ADAMTSL1: variants seen among roughly 807,000 people sequenced by gnomAD.
The protein encoded by ADAMTSL1 is ADAMTS-like protein 1.
ADAMTSL1 carries 126 observed loss-of-function variants against 201.8 expected under a neutral mutation model. The ratio of observed to expected loss-of-function variants is 0.62; its 90% CI spans 0.54 to 0.72. The LOEUF is 0.72. ADAMTSL1 is among the 30% of genes least tolerant of loss of function. The pLI is 0.00. For missense variants in ADAMTSL1, 2,679 were observed against 2,277.8 expected (o/e 1.18, Z -3.59); for synonymous variants, 1,121 against 903.4 (o/e 1.24, Z -4.32).
intron 26 of ADAMTSL1, among the ~76,000 whole-genome samples, chr9:18,897,340 C>T (rs1245537017): frequency 6.6e-6 from 1 of 152,178 alleles, no homozygotes; most frequent in African/African-American, 2.4e-5. Context: ...CCCCACAACA[C>T]AGCACAGCTG....
intron 1 of ADAMTSL1, among the ~76,000 whole-genome samples, chr9:18,485,013 G>C (rs1024475250): frequency 2.0e-5 from 3 of 152,200 alleles, no homozygotes; most frequent in Non-Finnish European, 2.9e-5. Flanking sequence ...ACTCAAGAGA[G>C]TACTTGCTTC....
intron 3 of ADAMTSL1, among the ~76,000 whole-genome samples, chr9:18,545,087 AC>A (rs2132180479): frequency 6.6e-6 from 1 of 152,304 alleles, no homozygotes; most frequent in South Asian, 2.1e-4. Context: ...CTCAGAGAGA[AC>A]CTGGCAAAGT....
chr9:18,326,199 A>G (rs1340358055), intron 2 of ADAMTSL1, among the ~76,000 whole-genome samples: 2 of 152,180 alleles, frequency 1.3e-5, no homozygotes, highest in Admixed American at 6.5e-5. Context: ...TATTCAAACC[A>G]TAGCAGCTGT....
chr9:18,224,203 G>A (rs1170494670), intron 2 of ADAMTSL1, among the ~76,000 whole-genome samples: 2 of 152,024 alleles, frequency 1.3e-5, no homozygotes, highest in African/African-American at 2.4e-5. Context: ...ATAAAGAACA[G>A]AAATTTATTT....
chr9:18,629,813 T>C (rs78885515), intron 5 of ADAMTSL1, among the ~76,000 whole-genome samples: 1 of 151,558 alleles, frequency 6.6e-6, no homozygotes, highest in Non-Finnish European at 1.5e-5. Context: ...TGGAATTGAA[T>C]ATATTTATTC....
chr9:18,407,804 A>G (rs1283631642), intron 2 of ADAMTSL1, among the ~76,000 whole-genome samples: 1 of 152,178 alleles, frequency 6.6e-6, no homozygotes, highest in Non-Finnish European at 1.5e-5. Flanking sequence ...GGAAAGAGAA[A>G]GCTGAGATAT....
At chr9:18,534,288 C>T (rs1341064) in intron 3 of ADAMTSL1, among the ~76,000 whole-genome samples, 2,229 of 152,014 alleles carry the variant, frequency 0.015, 59 homozygotes, top group African/African-American at 0.051. Context: ...CAGCTACTCA[C>T]GAGGCTGAGG....
At chr9:18,164,724 A>G (rs915657010) in intron 2 of ADAMTSL1, among the ~76,000 whole-genome samples, 1 of 151,792 alleles carries the variant, frequency 6.6e-6, no homozygotes, top group African/African-American at 2.4e-5. Flanking sequence ...AAAGGGTAGG[A>G]TCGCAGAAAA....
chr9:18,602,478 C>T (rs577496320), intron 4 of ADAMTSL1, among the ~76,000 whole-genome samples: 2 of 152,330 alleles, frequency 1.3e-5, no homozygotes, highest in South Asian at 4.1e-4. Flanking sequence ...GCACTGGAAT[C>T]AGGACCCACC....
intron 1 of ADAMTSL1, among the ~76,000 whole-genome samples, chr9:18,010,201 T>TA (rs565582873): frequency 4.3e-4 from 66 of 152,118 alleles, no homozygotes; most frequent in African/African-American, 1.6e-3. Context: ...AATATGATTG[T>TA]TAAGGCAGAT....
rs193240298 is a variant in ADAMTSL1 at position 18,513,049 on chromosome 9, G to T, written c.191+8093G>T. Among the ~76,000 whole-genome samples, 142 of 152,294 alleles carry T rather than the reference G, an allele frequency of 9.3e-4. 1 individual carries two copies. The highest frequency in any genetic ancestry group is 3.2e-3 in the African/African-American group (135 of 41,558). ...TTTGCAGAATTAAGAAAATATTTCA[G>T]ACTTAGACCTAGACTGAGCTGGGAA... On this transcript the variant is annotated intron_variant, in intron 2 of 28. Transcript: ENST00000380548.
At chr9:18,520,045 AT>A (rs1410754473) in intron 2 of ADAMTSL1, among the ~76,000 whole-genome samples, 8 of 152,310 alleles carry the variant, frequency 5.3e-5, no homozygotes, top group Admixed American at 2.0e-4. Flanking sequence ...ATTGGCAGTG[AT>A]TTTTCTAGTT....
At chr9:18,884,935 G>A (rs992314919) in intron 23 of ADAMTSL1, among the ~76,000 whole-genome samples, 2 of 152,144 alleles carry the variant, frequency 1.3e-5, no homozygotes, top group African/African-American at 4.8e-5. Context: ...ATATCATTGG[G>A]ATTTGATGGG....
chr9:18,078,737 A>G (rs1463857513), intron 1 of ADAMTSL1, among the ~76,000 whole-genome samples: 4 of 152,098 alleles, frequency 2.6e-5, no homozygotes, highest in Non-Finnish European at 4.4e-5. Flanking sequence ...CTCAGCTCCT[A>G]GATTTCCAGA....
intron 23 of ADAMTSL1, among the ~76,000 whole-genome samples, chr9:18,839,407 C>T (rs1825566914): frequency 6.6e-6 from 1 of 152,020 alleles, no homozygotes; most frequent in Non-Finnish European, 1.5e-5. Context: ...TGTATATGTG[C>T]CACATTTTCT....
chr9:18,820,716 C>A (rs1824158777), intron 21 of ADAMTSL1, among the ~76,000 whole-genome samples: 1 of 152,220 alleles, frequency 6.6e-6, no homozygotes, highest in Admixed American at 6.5e-5. Context: ...GCCTCACATT[C>A]TTCCCAATCC....
At chr9:18,776,054 G>A (rs967943557) in intron 18 of ADAMTSL1, among the ~76,000 whole-genome samples, 158 bp downstream of exon 18, 2 of 152,122 alleles carry the variant, frequency 1.3e-5, no homozygotes, top group Non-Finnish European at 2.9e-5. Flanking sequence ...AGCTGGAGAC[G>A]GAAAAGGAAT....
intron 23 of ADAMTSL1, among the ~76,000 whole-genome samples, chr9:18,837,608 A>G (rs886630579): frequency 6.6e-6 from 1 of 152,220 alleles, no homozygotes; most frequent in East Asian, 1.9e-4. Flanking sequence ...ACATGCCACC[A>G]ATACGCATTC....
intron 13 of ADAMTSL1, among the ~76,000 whole-genome samples, chr9:18,693,386 C>T (rs1280295255): frequency 1.3e-5 from 2 of 152,176 alleles, no homozygotes; most frequent in African/African-American, 4.8e-5. Flanking sequence ...ATAAGTATAA[C>T]TATAAGAAAT....
Sources: gnomAD v4.1 joint callset for allele counts (sites outside exome capture counted in the v4.1 genomes callset) on GRCh38, gnomAD v4.1.1 for gene constraint, MANE v1.5 for transcripts, NCBI Gene and HGNC (gene_info 2026-07-23, HGNC 2026-07-21) for gene names.